HK1: variants seen among roughly 807,000 people sequenced by gnomAD.
The protein encoded by HK1 is hexokinase-1.
A neutral mutation model predicts 91.6 loss-of-function variants in HK1; 28 were observed. That is an observed-to-expected ratio of 0.31 (90% CI 0.23 to 0.42). The LOEUF is 0.42. Ranked by LOEUF, HK1 falls within the 10% of genes least tolerant of loss-of-function variation. The probability of loss-of-function intolerance (pLI) is 1.00; values close to 1 mark genes in which losing one functional copy is unlikely to be tolerated. For missense variants in HK1, 770 were observed against 1,219.8 expected, an observed-to-expected ratio of 0.63 and a Z score of 5.49; for synonymous variants, 430 against 468.1, an observed-to-expected ratio of 0.92 and a Z score of 1.05.
intron 4 of HK1, chr10:69,300,478 T>A: frequency 1.2e-6 from 1 of 845,406 alleles, no homozygotes; most frequent in Non-Finnish European, 1.9e-6. Context: ...TCGTCTTGCT[T>A]CTTTATGGTC....
intron 1 of HK1, among the ~76,000 whole-genome samples, chr10:69,333,189 G>A (rs1363639610): frequency 1.3e-5 from 2 of 152,214 alleles, no homozygotes; most frequent in African/African-American, 4.8e-5. Flanking sequence ...GCCCATGGCC[G>A]AGGCCTGAGG....
intron 3 of HK1, among the ~76,000 whole-genome samples, chr10:69,294,962 G>A (rs1269003057): frequency 6.6e-6 from 1 of 151,106 alleles, no homozygotes; most frequent in Non-Finnish European, 1.5e-5. Context: ...CCGGGAGGTC[G>A]AGGCTGCAGT....
At chr10:69,270,902 A>G (rs1006404281) in intron 1 of HK1, 1 of 152,222 alleles carries the variant, frequency 6.6e-6, no homozygotes, top group African/African-American at 2.4e-5. Context: ...TTTCTGAATG[A>G]ATGAATGAAT....
chr10:69,384,694 T>C (rs1839547907), intron 11 of HK1, 102 bp from the exon 12 acceptor site: 1 of 1,504,180 alleles, frequency 6.6e-7, no homozygotes, highest in African/African-American at 1.4e-5. Flanking sequence ...GTGTGTGGGG[T>C]GTGTTTTCCT....
chr10:69,305,749 A>G (rs1846071551), intron 5 of HK1, among the ~76,000 whole-genome samples: 1 of 151,946 alleles, frequency 6.6e-6, no homozygotes, highest in Admixed American at 6.6e-5. Flanking sequence ...GCTACTCGGG[A>G]GGCTGAGGGA....
chr10:69,385,733 G>A (rs887998312), intron 12 of HK1, among the ~76,000 whole-genome samples: 3 of 152,254 alleles, frequency 2.0e-5, no homozygotes, highest in South Asian at 2.1e-4. Context: ...CAGTTACATC[G>A]CTGACTTGGG....
intron 1 of HK1, among the ~76,000 whole-genome samples, chr10:69,277,025 C>G (rs1460211108): frequency 3.3e-5 from 5 of 152,036 alleles, no homozygotes; most frequent in Non-Finnish European, 7.4e-5. Flanking sequence ...TTGGCTTCCT[C>G]TAAGTGTTTT....
At chr10:69,362,305 T>A (rs994853585) in intron 3 of HK1, among the ~76,000 whole-genome samples, 1 of 152,144 alleles carries the variant, frequency 6.6e-6, no homozygotes, top group African/African-American at 2.4e-5. Flanking sequence ...CTCAAACTCC[T>A]GGACTCAAGC....
Position 69,359,967 on chromosome 10 carries a change from T to C in HK1, c.297T>C (p.His99=), listed in dbSNP as rs1849331014. 1.2e-6 allele frequency: 2 copies of C among 1,612,230 alleles called. No individual in the cohort carries two copies. The highest frequency in any genetic ancestry group is 1.3e-5 in the African/African-American group (1 of 74,868). Residue 99 remains histidine (H), a synonymous_variant, in exon 3 of 18, where the codon CAT becomes CAC. Transcript: ENST00000359426. ...GAATTCTGCGGGTGCAAGTGAATCATGAGAAAAACCAGAATGTTCACATGG... is the reference window on the plus strand; with the variant it reads ...GAATTCTGCGGGTGCAAGTGAATCACGAGAAAAACCAGAATGTTCACATGG... The part of the protein sequence containing the change: ...SFRILRVQVN[H]EKNQNVHMES...
At chr10:69,278,865 G>T (rs552588635) in intron 1 of HK1, 1 of 152,306 alleles carries the variant, frequency 6.6e-6, no homozygotes, top group African/African-American at 2.4e-5. Flanking sequence ...GCAGTGGTGG[G>T]CACATGAGCT....
intron 1 of HK1, among the ~76,000 whole-genome samples, chr10:69,275,254 C>T (rs1434216850): frequency 1.3e-5 from 2 of 149,922 alleles, no homozygotes; most frequent in Non-Finnish European, 3.0e-5. Context: ...GGCACGGTGG[C>T]TCACGCCTGT....
chr10:69,288,753 A>G (rs774577579), exon 3 of HK1: 2 of 1,613,890 alleles, frequency 1.2e-6, no homozygotes, highest in South Asian at 2.2e-5. Context: ...AATGGGGCAG[A>G]TCTGCCAGCG....
At chr10:69,395,885 G>A (rs796815004) in intron 16 of HK1, among the ~76,000 whole-genome samples, 37 of 152,252 alleles carry the variant, frequency 2.4e-4, no homozygotes, top group African/African-American at 8.9e-4. Flanking sequence ...TCTAAGGCAC[G>A]CTGTGTGAGA....
At chr10:69,321,528 C>T (rs1589479059) in intron 1 of HK1, among the ~76,000 whole-genome samples, 1 of 152,312 alleles carries the variant, frequency 6.6e-6, no homozygotes, top group East Asian at 1.9e-4. Context: ...ATTCAGCCCT[C>T]CAGCTGTAGG....
intron 1 of HK1, among the ~76,000 whole-genome samples, chr10:69,332,305 C>A (rs1847766931): frequency 6.6e-6 from 1 of 151,756 alleles, no homozygotes; most frequent in Non-Finnish European, 1.5e-5. Flanking sequence ...TCGAAAGGAC[C>A]CATCCAGCTT....
chr10:69,337,846 G>A (rs951540371), intron 1 of HK1, among the ~76,000 whole-genome samples: 3 of 152,216 alleles, frequency 2.0e-5, no homozygotes, highest in African/African-American at 4.8e-5. Flanking sequence ...ACGGGGTGGG[G>A]TGAAAATGGC....
chr10:69,383,841 T>A (rs1839508713), intron 10 of HK1, among the ~76,000 whole-genome samples: 1 of 152,224 alleles, frequency 6.6e-6, no homozygotes, highest in African/African-American at 2.4e-5. Context: ...AAGCCCAGGC[T>A]GGGGATAGGT....
intron 5 of HK1, among the ~76,000 whole-genome samples, chr10:69,301,776 G>A (rs999999123): frequency 6.6e-6 from 1 of 151,990 alleles, no homozygotes; most frequent in Non-Finnish European, 1.5e-5. Context: ...TTGTTAAGGT[G>A]GTAAACTCCC....
intron 5 of HK1, among the ~76,000 whole-genome samples, chr10:69,301,615 G>T (rs972713694): frequency 2.0e-5 from 3 of 148,632 alleles, no homozygotes. Flanking sequence ...ACAATTCCAT[G>T]TATAATAGCA....
Sources: gnomAD v4.1 joint callset for allele counts (sites outside exome capture counted in the v4.1 genomes callset) on GRCh38, gnomAD v4.1.1 for gene constraint, MANE v1.5 for transcripts, NCBI Gene and HGNC (gene_info 2026-07-23, HGNC 2026-07-21) for gene names.